JAZF1: variants seen among roughly 807,000 people sequenced by gnomAD.
JAZF1 encodes the protein juxtaposed with another zinc finger protein 1.
A neutral mutation model predicts 26.4 loss-of-function variants in JAZF1; 8 were observed. That is an observed-to-expected ratio of 0.30 (90% confidence interval 0.18 to 0.55). The LOEUF (loss-of-function observed/expected upper bound fraction) is 0.55. Among genes scored for constraint, JAZF1 ranks in the 20% least tolerant of loss-of-function variants. JAZF1 has a pLI of 0.94. For synonymous variants in JAZF1, 126 were observed against 122.3 expected (o/e 1.03, Z -0.20); for missense variants, 199 against 322.0 (o/e 0.62, Z 2.92).
chr7:27,848,412 C>A (rs1469615145), intron 3 of JAZF1, among the ~76,000 whole-genome samples: 2 of 152,188 alleles, frequency 1.3e-5, no homozygotes, highest in Non-Finnish European at 2.9e-5. Flanking sequence ...TGCAACCTTA[C>A]TGAATTCATC....
rs1048114208 is a variant in JAZF1, at chr7:27,936,047, T to C, written c.189-40631A>G. On this transcript the variant is annotated intron_variant, in intron 2 of 4. Coordinates refer to ENST00000283928, the MANE Select transcript of JAZF1 (RefSeq NM_175061.4). ...GGTTCCGCTTTCCATGCCACCTCCC[T>C]GGGAAGTTCGAAACAAGAACAGCTG... is the stretch of plus-strand genomic sequence containing the variant. Among the ~76,000 whole-genome samples, 40 of 152,206 alleles carry C rather than the reference T, an allele frequency of 2.6e-4. 1 individual carries two copies. The highest frequency in any genetic ancestry group is 7.2e-4 in the Admixed American group (11 of 15,282).
intron 2 of JAZF1, among the ~76,000 whole-genome samples, chr7:27,910,064 C>T (rs1224395033): frequency 6.6e-6 from 1 of 152,180 alleles, no homozygotes; most frequent in Non-Finnish European, 1.5e-5. Context: ...AGAGTCTATA[C>T]CATTGAATGA....
chr7:28,081,533 TG>T (rs1169952534), intron 1 of JAZF1, among the ~76,000 whole-genome samples: 1 of 152,156 alleles, frequency 6.6e-6, no homozygotes, highest in Non-Finnish European at 1.5e-5. Context: ...TTTGGGGACT[TG>T]AAAAGTTACC....
At chr7:27,933,748 T>G (rs148526590) in intron 2 of JAZF1, among the ~76,000 whole-genome samples, 16 of 152,232 alleles carry the variant, frequency 1.1e-4, no homozygotes, top group African/African-American at 3.6e-4. Context: ...CACACAGACA[T>G]GCATACCATG....
chr7:28,171,178 C>T (rs912433489), intron 1 of JAZF1, among the ~76,000 whole-genome samples: 2 of 152,128 alleles, frequency 1.3e-5, no homozygotes, highest in African/African-American at 4.8e-5. Context: ...TACCAAATAC[C>T]CCTGGCAATT....
chr7:27,834,304 C>T (rs1336148422), intron 4 of JAZF1, among the ~76,000 whole-genome samples: 2 of 152,188 alleles, frequency 1.3e-5, no homozygotes, highest in Admixed American at 6.5e-5. Context: ...TAAATATAAA[C>T]GTGGTGGTGA....
chr7:28,031,080 C>T (rs1442227922), intron 1 of JAZF1, among the ~76,000 whole-genome samples: 1 of 152,200 alleles, frequency 6.6e-6, no homozygotes, highest in Non-Finnish European at 1.5e-5. Flanking sequence ...TTCACATCTA[C>T]TTAGTATATG....
intron 1 of JAZF1, among the ~76,000 whole-genome samples, chr7:28,030,493 A>G (rs1783170671): frequency 6.6e-6 from 1 of 152,210 alleles, no homozygotes; most frequent in Non-Finnish European, 1.5e-5. Context: ...TCCATGGTAA[A>G]TGTGACTTGT....
chr7:27,913,187 C>T (rs1047232788), intron 2 of JAZF1, among the ~76,000 whole-genome samples: 2 of 151,058 alleles, frequency 1.3e-5, no homozygotes, highest in Non-Finnish European at 2.9e-5. Flanking sequence ...CAATACAGAA[C>T]AGCATACATT....
intron 1 of JAZF1, among the ~76,000 whole-genome samples, chr7:28,031,529 C>G (rs116052651): frequency 6.6e-6 from 1 of 152,316 alleles, no homozygotes; most frequent in African/African-American, 2.4e-5. Flanking sequence ...ATGCTGGTTA[C>G]TAGCACCGTC....
chr7:28,158,403 G>A (rs1218683970), intron 1 of JAZF1, among the ~76,000 whole-genome samples: 1 of 152,152 alleles, frequency 6.6e-6, no homozygotes, highest in East Asian at 1.9e-4. Context: ...AATCAGGAGT[G>A]CTAACGAAAG....
intron 1 of JAZF1, among the ~76,000 whole-genome samples, chr7:27,994,973 T>A (rs1172929837): frequency 6.6e-6 from 1 of 151,996 alleles, no homozygotes; most frequent in Non-Finnish European, 1.5e-5. Flanking sequence ...GCAGGACAGA[T>A]CCCCACATCC....
chr7:27,898,958 C>G (rs79201769), intron 2 of JAZF1, among the ~76,000 whole-genome samples: 1 of 152,088 alleles, frequency 6.6e-6, no homozygotes, highest in Non-Finnish European at 1.5e-5. Flanking sequence ...CACACACACC[C>G]ACACCACCCG....
chr7:27,996,220 C>T (rs1786012833), intron 1 of JAZF1, among the ~76,000 whole-genome samples: 1 of 152,156 alleles, frequency 6.6e-6, no homozygotes, highest in Non-Finnish European at 1.5e-5. Context: ...ACCTGGATTA[C>T]TTATAATGTA....
chr7:28,024,202 G>A (rs1398298313), intron 1 of JAZF1, among the ~76,000 whole-genome samples: 1 of 152,148 alleles, frequency 6.6e-6, no homozygotes, highest in Non-Finnish European at 1.5e-5. Flanking sequence ...GGTTGCGGCG[G>A]AAGGACTGCT....
intron 1 of JAZF1, among the ~76,000 whole-genome samples, chr7:28,109,447 C>T (rs548382280): frequency 1.6e-4 from 24 of 152,284 alleles, no homozygotes; most frequent in African/African-American, 2.4e-4. Context: ...GTAACTGATA[C>T]GCCGCATGCC....
intron 3 of JAZF1, chr7:27,843,251 A>G (rs1782956763): frequency 6.6e-6 from 1 of 152,250 alleles, no homozygotes; most frequent in Non-Finnish European, 1.5e-5. Context: ...ACTTTTGTTT[A>G]TATACTTAAT....
At chr7:28,176,812 G>A (rs555498248) in intron 1 of JAZF1, among the ~76,000 whole-genome samples, 2 of 152,216 alleles carry the variant, frequency 1.3e-5, no homozygotes, top group Non-Finnish European at 2.9e-5. Flanking sequence ...AAAGCCATAC[G>A]ATTTCATAGC....
intron 3 of JAZF1, among the ~76,000 whole-genome samples, chr7:27,861,193 G>A (rs1036918370): frequency 6.6e-6 from 1 of 152,060 alleles, no homozygotes; most frequent in Admixed American, 6.5e-5. Flanking sequence ...CCTCCTCCTG[G>A]GAGACTCAGC....
Sources: allele counts gnomAD v4.1 joint callset (sites outside exome capture counted in the v4.1 genomes callset), GRCh38; gene constraint gnomAD v4.1.1; transcripts MANE v1.5; gene names NCBI Gene and HGNC (gene_info 2026-07-23, HGNC 2026-07-21).